JPH2: variants seen among roughly 807,000 people sequenced by gnomAD.
JPH2 encodes junctophilin-2.
A neutral mutation model predicts 55.9 loss-of-function variants in JPH2; 38 were observed. That is an observed-to-expected ratio of 0.68 (90% confidence interval 0.52 to 0.89). The LOEUF (loss-of-function observed/expected upper bound fraction) is 0.89, where lower values mean the gene tolerates loss of function less well. Ranked by LOEUF, JPH2 falls within the 40% of genes least tolerant of loss-of-function variation. The pLI, the probability that JPH2 is intolerant of heterozygous loss-of-function variation, is 0.00. For missense variants in JPH2, 964 were observed against 1,037.6 expected (o/e 0.93, Z 0.97); for synonymous variants, 480 against 472.4 (o/e 1.02, Z -0.21).
chr20:44,158,799 G>A (rs1389814139), intron 2 of JPH2, among the ~76,000 whole-genome samples: 1 of 152,158 alleles, frequency 6.6e-6, no homozygotes, highest in Non-Finnish European at 1.5e-5. Context: ...GGGAGTGGAT[G>A]TTGTTTTAAT....
rs1481046055 is a variant in JPH2, at chr20:44,109,432, A to G, written c.*4086T>C. 6.6e-6 allele frequency among the ~76,000 whole-genome samples: 1 copy of G among 152,230 alleles called. No homozygotes were observed. Among genetic ancestry groups the G allele is most frequent in the Non-Finnish European group, 1.5e-5 (1 of 68,042 alleles). On this transcript the variant is annotated 3_prime_UTR_variant, in exon 6 of 6. Transcript: ENST00000372980. Reference sequence around the variant, plus strand: ...AAAAGTAAGAAAGTTCTAGATGTTAAGGGACAGAGCCAAGATTTGAACCAG... The same window carrying G: ...AAAAGTAAGAAAGTTCTAGATGTTAGGGGACAGAGCCAAGATTTGAACCAG...
intron 1 of JPH2, among the ~76,000 whole-genome samples, chr20:44,176,427 G>C (rs2145894117): frequency 6.6e-6 from 1 of 151,342 alleles, no homozygotes; most frequent in South Asian, 2.1e-4. Flanking sequence ...TAAAGCGCTG[G>C]CCTTCTCTGT....
At chr20:44,123,887 T>C (rs1363555703) in intron 2 of JPH2, among the ~76,000 whole-genome samples, 1 of 152,156 alleles carries the variant, frequency 6.6e-6, no homozygotes, top group African/African-American at 2.4e-5. Context: ...CCTAGGAGCC[T>C]TGGATGTTTT....
At chr20:44,186,213 C>T (rs2072838710) in intron 1 of JPH2, 114 bp downstream of exon 1, 2 of 1,241,238 alleles carry the variant, frequency 1.6e-6, no homozygotes, top group East Asian at 2.3e-5. Context: ...CAGCAAATCA[C>T]TTCCTAGCCC....
chr20:44,177,505 G>A lies in JPH2; in HGVS notation c.379+8822C>T, dbSNP rs1342313032. On this transcript the variant is annotated intron_variant, in intron 1 of 5. Coordinates refer to ENST00000372980, the MANE Select transcript of JPH2 (RefSeq NM_020433.5). ...TGGACAGGAAAGACTAATACGGTCC[G>A]CTTTTCTGTTCTGCTAAGGGTCTGC... 1.6e-5 allele frequency: 16 copies of A among 1,024,734 alleles called. No individual in the cohort carries two copies. In the Admixed American group the frequency reaches 2.0e-4, roughly 13 times the overall value. The allele number at this position is 1,024,734 out of a possible 1,614,324, so 63.5% of individuals were successfully genotyped here.
At chr20:44,182,892 CATGAATGA>C (rs538621392) in intron 1 of JPH2, among the ~76,000 whole-genome samples, 1 of 152,156 alleles carries the variant, frequency 6.6e-6, no homozygotes, top group Non-Finnish European at 1.5e-5. Context: ...GTACTGGTTG[CATGAATGA>C]ATGAATGAAT....
At chr20:44,179,335 T>A (rs796584961) in intron 1 of JPH2, among the ~76,000 whole-genome samples, 2 of 152,154 alleles carry the variant, frequency 1.3e-5, no homozygotes, top group African/African-American at 4.8e-5. Context: ...AAAATACATA[T>A]TTTTTTGCAT....
Position 44,160,184 on chromosome 20 carries a change from C to T in JPH2, c.603G>A (p.Ala201=). ...CCTCGGCATTGGCCAGGAGGCTGAG[C>T]GCGAAGCCGCCACGCGGGATGGCGG... ...PSPAIPRGGF[A]LSLLANAEAA... The change falls in exon 2 of 6, where the codon GCG becomes GCA. Residue 201 remains alanine (A), a synonymous_variant. Coordinates refer to ENST00000372980, the MANE Select transcript of JPH2 (RefSeq NM_020433.5). This position sits in a 1 kb window ranked among gnomAD's most constrained non-coding sequence, Gnocchi z 4.9. The T allele has an allele frequency of 1.4e-6, 2 of 1,399,574 alleles. No homozygotes were observed. Among genetic ancestry groups the T allele is most frequent in the South Asian group, 1.5e-5 (1 of 64,684 alleles). 86.7% of individuals were successfully genotyped at this position (1,399,574 alleles called of 1,614,324 possible).
chr20:44,128,586 T>C (rs1024807364), intron 2 of JPH2, among the ~76,000 whole-genome samples: 4 of 152,012 alleles, frequency 2.6e-5, no homozygotes, highest in Non-Finnish European at 5.9e-5. Context: ...AGACATATTG[T>C]ATGCACTATA....
At chr20:44,157,263 G>A (rs2145876722) in intron 2 of JPH2, among the ~76,000 whole-genome samples, 1 of 152,308 alleles carries the variant, frequency 6.6e-6, no homozygotes, top group South Asian at 2.1e-4. Context: ...TGGCTGAAGA[G>A]AGCTGTCCAG....
rs866043155 is a variant in JPH2, at chr20:44,110,828, C to G, written c.*2690G>C. 3.3e-5 allele frequency among the ~76,000 whole-genome samples: 5 copies of G among 152,162 alleles called. No individual in the cohort carries two copies. The highest frequency in any genetic ancestry group is 3.2e-3 in the Middle Eastern group (1 of 316). On this transcript the variant is annotated 3_prime_UTR_variant, in exon 6 of 6. Coordinates refer to ENST00000372980, the MANE Select transcript of JPH2 (RefSeq NM_020433.5). ...GGGGCAGGGATTAGAGTCTCCTCAG[C>G]AGAAGAGGAAACTGAGGCACAGAAA...
At chr20:44,163,456 A>G (rs2072630266) in intron 1 of JPH2, among the ~76,000 whole-genome samples, 1 of 152,104 alleles carries the variant, frequency 6.6e-6, no homozygotes, top group Non-Finnish European at 1.5e-5. Flanking sequence ...CTCCCAGCAC[A>G]TTGAGCTCAG....
rs555856446 is a variant in JPH2 at position 44,140,117 on chromosome 20, C to T, written c.1169+19501G>A. 1.2e-4 allele frequency among the ~76,000 whole-genome samples: 19 copies of T among 152,260 alleles called. No individual in the cohort carries two copies. In the South Asian group the frequency reaches 3.5e-3, roughly 28 times the overall value. ...CAATCTCCTGACCTCGTGATCTGCC[C>T]GCCTCGGCCTCCCAAAGTGCTAGGA... On this transcript the variant is annotated intron_variant, in intron 2 of 5. Coordinates refer to ENST00000372980, the MANE Select transcript of JPH2 (RefSeq NM_020433.5).
intron 3 of JPH2, among the ~76,000 whole-genome samples, chr20:44,117,578 T>C (rs760376736): frequency 3.9e-5 from 6 of 152,334 alleles, no homozygotes; most frequent in Non-Finnish European, 8.8e-5. Flanking sequence ...TCCTTAGAAA[T>C]GCACATTCAT....
At position 44,110,146 on chromosome 20, in the gene JPH2, G is replaced by A. The variant is rs2072131943; in HGVS notation, c.*3372C>T. 6.6e-6 allele frequency among the ~76,000 whole-genome samples: 1 copy of A among 152,002 alleles called. No homozygotes were observed. The highest frequency in any genetic ancestry group is 2.1e-4 in the South Asian group (1 of 4,816). On this transcript the variant is annotated 3_prime_UTR_variant, in exon 6 of 6. Transcript: ENST00000372980. ...CTGAGTCTCCAAACCTGGGGCTCAG[G>A]AAGCCGCCTCCTTTGCACACCATCC...
intron 2 of JPH2, among the ~76,000 whole-genome samples, chr20:44,157,225 G>A (rs2072572255): frequency 1.3e-5 from 2 of 152,184 alleles, no homozygotes; most frequent in Non-Finnish European, 2.9e-5. Context: ...AGAGTTGCCA[G>A]CTGTCAGCCC....
intron 2 of JPH2, among the ~76,000 whole-genome samples, chr20:44,120,024 G>GACTGGCTGAAGCAGGTCTCCA (rs1403413046): frequency 1.3e-5 from 2 of 152,046 alleles, no homozygotes; most frequent in Non-Finnish European, 2.9e-5. Context: ...GCCCCCGGTG[G>GACTGGCTGAAGCAGGTCTCCA]ACTGGCTGAA....
At chr20:44,170,999 C>G (rs1428811791) in intron 1 of JPH2, among the ~76,000 whole-genome samples, 1 of 152,138 alleles carries the variant, frequency 6.6e-6, no homozygotes, top group Non-Finnish European at 1.5e-5. Flanking sequence ...ATCCTCCCTG[C>G]CCCCCACTTC....
At chr20:44,166,667 G>A (rs1348751242) in intron 1 of JPH2, among the ~76,000 whole-genome samples, 1 of 152,158 alleles carries the variant, frequency 6.6e-6, no homozygotes, top group Non-Finnish European at 1.5e-5. Context: ...AGGGCCCTGG[G>A]AAGGGGAAAA....
Sources: allele counts gnomAD v4.1 joint callset (sites outside exome capture counted in the v4.1 genomes callset), GRCh38; gene constraint gnomAD v4.1.1; non-coding constraint Gnocchi (gnomAD v3.1); transcripts MANE v1.5; gene names NCBI Gene and HGNC (gene_info 2026-07-23, HGNC 2026-07-21).